TRPC4: variants seen among roughly 807,000 people sequenced by gnomAD.
TRPC4 encodes the protein transient receptor potential cation channel subfamily C member 4.
TRPC4 carries 49 observed loss-of-function variants against 99.4 expected under a neutral mutation model. That is an observed-to-expected ratio of 0.49 (90% CI 0.39 to 0.63). The LOEUF (loss-of-function observed/expected upper bound fraction) is 0.63. Ranked by LOEUF, TRPC4 falls within the 20% of genes least tolerant of loss-of-function variation. TRPC4 has a pLI of 0.00. For missense variants in TRPC4, 898 were observed against 1,152.9 expected (o/e 0.78, Z 3.20); for synonymous variants, 454 against 425.9 (o/e 1.07, Z -0.81).
At chr13:37,746,566 G>GT (rs200975733) in intron 2 of TRPC4, 111 bp from the exon 3 acceptor site, 105,079 of 775,498 alleles carry the variant, frequency 0.14, 2,422 homozygotes, top group African/African-American at 0.36. Context: ...TCCTTGGCCG[G>GT]GTTTTTTTTT....
At chr13:37,663,012 A>T (rs1952499705) in intron 6 of TRPC4, among the ~76,000 whole-genome samples, 1 of 152,246 alleles carries the variant, frequency 6.6e-6, no homozygotes, top group Non-Finnish European at 1.5e-5. Flanking sequence ...GGACTTTAGT[A>T]CCTGGAAAAC....
At chr13:37,859,173 A>ACTGATTTATTTATTCATTT (rs1959201976) in intron 1 of TRPC4, among the ~76,000 whole-genome samples, 1 of 151,624 alleles carries the variant, frequency 6.6e-6, no homozygotes, top group Non-Finnish European at 1.5e-5. Context: ...AGAGCTGTAA[A>ACTGATTTATTTATTCATTT]TAAAATATAC....
intron 8 of TRPC4, among the ~76,000 whole-genome samples, chr13:37,649,752 A>AAAAC (rs1951973096): frequency 7.3e-6 from 1 of 137,698 alleles, no homozygotes; most frequent in East Asian, 2.1e-4. Flanking sequence ...AAAAAAAAAA[A>AAAAC]AAAAAAAACA....
chr13:37,757,569 ATATTTAT>A, intron 2 of TRPC4, among the ~76,000 whole-genome samples: 1 of 152,138 alleles, frequency 6.6e-6, no homozygotes, highest in African/African-American at 2.4e-5. Context: ...AATTACATTT[ATATTTAT>A]TAAGAAACCA....
At chr13:37,703,334 G>A (rs1057446834) in intron 3 of TRPC4, among the ~76,000 whole-genome samples, 1 of 151,998 alleles carries the variant, frequency 6.6e-6, no homozygotes, top group Non-Finnish European at 1.5e-5. Flanking sequence ...GTGTTGATAA[G>A]TGGTACAACG....
intron 1 of TRPC4, among the ~76,000 whole-genome samples, chr13:37,816,238 C>T (rs1593808242): frequency 6.6e-6 from 1 of 151,842 alleles, no homozygotes; most frequent in East Asian, 1.9e-4. Context: ...TAAATAGTCA[C>T]ACAACACAGG....
chr13:37,788,547 C>A (rs1022703612), intron 1 of TRPC4, among the ~76,000 whole-genome samples: 1 of 151,660 alleles, frequency 6.6e-6, no homozygotes. Flanking sequence ...GAAACTGGTC[C>A]TGCCTTGGGC....
chr13:37,736,584 T>C (rs1955400427), intron 3 of TRPC4, among the ~76,000 whole-genome samples: 1 of 152,134 alleles, frequency 6.6e-6, no homozygotes, highest in African/African-American at 2.4e-5. Flanking sequence ...TACTATACAA[T>C]GTAAGTTGTT....
chr13:37,743,206 T>C (rs1296535244), intron 3 of TRPC4, among the ~76,000 whole-genome samples: 1 of 152,136 alleles, frequency 6.6e-6, no homozygotes, highest in Admixed American at 6.6e-5. Flanking sequence ...GAAAAGTGTC[T>C]TTTAAAAAAT....
intron 3 of TRPC4, among the ~76,000 whole-genome samples, chr13:37,741,233 A>T (rs1328238492): frequency 6.6e-6 from 1 of 152,204 alleles, no homozygotes; most frequent in African/African-American, 2.4e-5. Flanking sequence ...AAATGTATTA[A>T]GCTTCCAATT....
At chr13:37,792,349 G>A (rs1452641969) in intron 1 of TRPC4, among the ~76,000 whole-genome samples, 1 of 151,894 alleles carries the variant, frequency 6.6e-6, no homozygotes, top group Non-Finnish European at 1.5e-5. Flanking sequence ...ATTTCCCCTA[G>A]CCCCTATTAT....
intron 5 of TRPC4, among the ~76,000 whole-genome samples, chr13:37,673,360 T>C (rs960137272): frequency 6.6e-6 from 1 of 152,098 alleles, no homozygotes; most frequent in African/African-American, 2.4e-5. Context: ...GAAGGCATTA[T>C]TTTAAGAACT....
chr13:37,677,797 C>T (rs9532097), intron 4 of TRPC4, among the ~76,000 whole-genome samples: 93,130 of 151,876 alleles, frequency 0.61, 29,507 homozygotes, highest in East Asian at 0.8. Context: ...AACAACACTA[C>T]CAACAACATG....
At chr13:37,804,380 T>A (rs943960734) in intron 1 of TRPC4, among the ~76,000 whole-genome samples, 1 of 152,054 alleles carries the variant, frequency 6.6e-6, no homozygotes, top group African/African-American at 2.4e-5. Flanking sequence ...ACCAAGGCAA[T>A]CTGGCGCCAG....
intron 4 of TRPC4, among the ~76,000 whole-genome samples, chr13:37,690,604 C>G (rs969920648): frequency 6.6e-6 from 1 of 152,106 alleles, no homozygotes; most frequent in African/African-American, 2.4e-5. Context: ...CCGGCCTGAC[C>G]CTTTTTTCTA....
At chr13:37,702,471 T>C (rs1007946881) in intron 3 of TRPC4, among the ~76,000 whole-genome samples, 1 of 152,212 alleles carries the variant, frequency 6.6e-6, no homozygotes, top group Non-Finnish European at 1.5e-5. Flanking sequence ...TAAATAATTT[T>C]AAAAACCAGA....
chr13:37,764,135 G>T lies in TRPC4; in HGVS notation c.379-17680C>A, dbSNP rs1418748222. Among the ~76,000 whole-genome samples the T allele has an allele frequency of 2.0e-5, 3 of 151,690 alleles. No individual in the cohort carries two copies. The East Asian group carries it at 5.9e-4, about 30-fold the overall frequency. On this transcript the variant is annotated intron_variant, in intron 2 of 10. Coordinates refer to ENST00000379705, the MANE Select transcript of TRPC4 (RefSeq NM_016179.4). Reference sequence around the variant, plus strand: ...GAAGCAACAGCTGAGTATGAACAAGGCCCAGTGGTGTGACGGATGCCTGCA... The same window carrying T: ...GAAGCAACAGCTGAGTATGAACAAGTCCCAGTGGTGTGACGGATGCCTGCA...
At chr13:37,822,540 G>T (rs1298366827) in intron 1 of TRPC4, among the ~76,000 whole-genome samples, 2 of 149,462 alleles carry the variant, frequency 1.3e-5, no homozygotes, top group East Asian at 2.0e-4. Context: ...TTGTTCTTGT[G>T]ATAGTTTACT....
chr13:37,783,181 G>A lies in TRPC4; in HGVS notation c.153C>T (p.Ser51=). ...EKGDYASVKK[S]LEEAEIYFKI... ...TAAAATAAATTTCAGCTTCCTCTAG[G>A]GATTTCTTGACACTGGCATAATCTC... The change falls in exon 2 of 11, where the codon TCC becomes TCT. Residue 51 remains serine, a synonymous_variant. Coordinates refer to ENST00000379705, the MANE Select transcript of TRPC4 (RefSeq NM_016179.4). 2 of 1,613,538 alleles carry A rather than the reference G, an allele frequency of 1.2e-6. No individual in the cohort carries two copies. Among genetic ancestry groups the A allele is most frequent in the Non-Finnish European group, 1.7e-6 (2 of 1,179,734 alleles).
Sources: gnomAD v4.1 joint callset for allele counts (sites outside exome capture counted in the v4.1 genomes callset) on GRCh38, gnomAD v4.1.1 for gene constraint, MANE v1.5 for transcripts, NCBI Gene and HGNC (gene_info 2026-07-23, HGNC 2026-07-21) for gene names.